The following PYY variants were observed in gnomAD, a reference collection of about 807,000 sequenced individuals.
The protein encoded by PYY is peptide YY.
In PYY, 12 loss-of-function variants were observed where a neutral mutation model predicts 10.3. The ratio of observed to expected loss-of-function variants is 1.17; its 90% CI spans 0.75 to 1.89. PYY has a LOEUF of 1.89. Among genes scored for constraint, PYY ranks in the 40% most tolerant of loss-of-function variants. The pLI is 0.00. For synonymous variants in PYY, 66 were observed against 62.0 expected (o/e 1.06, Z -0.30); for missense variants, 141 against 134.0 (o/e 1.05, Z -0.26).
chr17:43,954,053 C>CGCCAGAT (rs547363101), upstream of PYY: 34 of 153,492 alleles, frequency 2.2e-4, 1 homozygote, highest in South Asian at 7.0e-3. Context: ...CTTCCACCCT[C>CGCCAGAT]GCCAGATCGC....
At chr17:43,983,435 A>G (rs1403840726) in intron 1 of PYY, among the ~76,000 whole-genome samples, 1 of 152,184 alleles carries the variant, frequency 6.6e-6, no homozygotes, top group East Asian at 1.9e-4. Flanking sequence ...CAGTGCCCCA[A>G]AGACCCAGTC....
In PYY at chr17:43,953,114, C is replaced by A; in HGVS notation, c.264G>T (p.Arg88Ser). Residue 88 changes from arginine to serine, a missense_variant, in exon 3 of 4, where the codon AGG becomes AGT. Transcript: ENST00000692052. ...GTGGTAACGGGCGCTTTTACCGCGACCTGACGGGGCGGTCCTCGCCGTCGG... is the reference window on the plus strand; with the variant it reads ...GTGGTAACGGGCGCTTTTACCGCGAACTGACGGGGCGGTCCTCGCCGTCGG... ...FFPDGEDRPV[R>S]SRSEGPDLW 6.2e-7 allele frequency: 1 copy of A among 1,614,010 alleles called. No individual in the cohort carries two copies. Among genetic ancestry groups the A allele is most frequent in the Non-Finnish European group, 8.5e-7 (1 of 1,179,946 alleles).
At chr17:43,980,738 C>T (rs1842881808) in intron 1 of PYY, among the ~76,000 whole-genome samples, 1 of 152,142 alleles carries the variant, frequency 6.6e-6, no homozygotes, top group Non-Finnish European at 1.5e-5. Context: ...TCCCAAAGTG[C>T]TGGGATTACA....
intron 1 of PYY, among the ~76,000 whole-genome samples, chr17:43,990,983 G>A (rs2048953325): frequency 6.6e-6 from 1 of 151,360 alleles, no homozygotes; most frequent in Non-Finnish European, 1.5e-5. Flanking sequence ...TTTTAGTAGA[G>A]ACAGGGTTTC....
chr17:43,962,817 C>T (rs375558922), intron 2 of PYY, among the ~76,000 whole-genome samples: 210 of 152,220 alleles, frequency 1.4e-3, no homozygotes, highest in African/African-American at 4.7e-3. Context: ...CAGTAGCAGG[C>T]GAGGGCAAGG....
Position 43,987,083 on chromosome 17 carries a change from C to T in PYY, c.-463+17308G>A, listed in dbSNP as rs781103182. ...TGAAGCCAGATGCTAACACATTCCT[C>T]GGGCCCCTGTGTCCACCCCTCCTCT... On this transcript the variant is annotated intron_variant, in intron 1 of 6. Transcript: ENST00000360085. This position sits in a 1 kb window ranked among gnomAD's most constrained non-coding sequence, Gnocchi z 4.0. 2.0e-5 allele frequency among the ~76,000 whole-genome samples: 3 copies of T among 152,106 alleles called. No homozygotes were observed. The highest frequency in any genetic ancestry group is 6.5e-5 in the Admixed American group (1 of 15,268).
chr17:43,976,070 C>T (rs1226224594), intron 1 of PYY, among the ~76,000 whole-genome samples: 6 of 146,390 alleles, frequency 4.1e-5, no homozygotes, highest in Non-Finnish European at 7.5e-5. Context: ...CATGTATACG[C>T]GTATGTACAT....
At chr17:43,976,205 A>ATATCTACG (rs2048838259) in intron 1 of PYY, among the ~76,000 whole-genome samples, 1 of 143,320 alleles carries the variant, frequency 7.0e-6, no homozygotes, top group African/African-American at 2.7e-5. Context: ...ACATATATAC[A>ATATCTACG]TATACGTATA....
At chr17:43,965,264 T>C (rs1712843312) in intron 2 of PYY, among the ~76,000 whole-genome samples, 1 of 151,838 alleles carries the variant, frequency 6.6e-6, no homozygotes, top group Non-Finnish European at 1.5e-5. Context: ...GTGGATCACT[T>C]GAGGTCAGGA....
intron 1 of PYY, among the ~76,000 whole-genome samples, chr17:43,994,003 G>A (rs748755350): frequency 6.6e-6 from 1 of 151,888 alleles, no homozygotes; most frequent in African/African-American, 2.4e-5. Flanking sequence ...ACAGGCATGC[G>A]TTACCAGGCC....
chr17:43,990,394 G>A (rs938398646), intron 1 of PYY, among the ~76,000 whole-genome samples: 1 of 144,852 alleles, frequency 6.9e-6, no homozygotes, highest in Non-Finnish European at 1.5e-5. Context: ...AGCCGAGATC[G>A]CACCATTGCA....
chr17:43,989,912 A>C (rs1167155195), intron 1 of PYY, among the ~76,000 whole-genome samples: 1 of 138,314 alleles, frequency 7.2e-6, no homozygotes, highest in Non-Finnish European at 1.5e-5. Flanking sequence ...ACACAAATCT[A>C]TAAGTAAGAC....
chr17:43,969,303 G>A (rs1474979600), intron 1 of PYY, among the ~76,000 whole-genome samples: 1 of 151,892 alleles, frequency 6.6e-6, no homozygotes, highest in Admixed American at 6.6e-5. Context: ...ATCACTTGAG[G>A]TCAGGAGTTC....
At chr17:43,977,935 C>T (rs994020210) in intron 1 of PYY, among the ~76,000 whole-genome samples, 2 of 152,268 alleles carry the variant, frequency 1.3e-5, no homozygotes, top group African/African-American at 4.8e-5. Flanking sequence ...CACGGTGGCT[C>T]ACACCTGTAA....
chr17:43,979,376 G>T (rs760598341), intron 1 of PYY, among the ~76,000 whole-genome samples: 6 of 152,142 alleles, frequency 3.9e-5, no homozygotes, highest in Non-Finnish European at 8.8e-5. Context: ...TTCACTCACA[G>T]CTGAGCCTAA....
At chr17:43,972,263 G>C (rs988880804) in intron 1 of PYY, among the ~76,000 whole-genome samples, 1 of 151,022 alleles carries the variant, frequency 6.6e-6, no homozygotes, top group African/African-American at 2.4e-5. Context: ...ACCCAGGCTG[G>C]AGTGCAGTGG....
intron 1 of PYY, among the ~76,000 whole-genome samples, chr17:43,979,839 C>G (rs2048871243): frequency 6.6e-6 from 1 of 152,144 alleles, no homozygotes; most frequent in Non-Finnish European, 1.5e-5. Flanking sequence ...AGAGTTTAAT[C>G]AGTGACACAC....
chr17:43,953,456 C>G lies in PYY; in HGVS notation c.28G>C (p.Ala10Pro). Residue 10 changes from alanine to proline, a missense_variant, in exon 2 of 4, where the codon GCC (alanine) becomes CCC (proline). By Grantham distance (27) the Ala-to-Pro change is conservative. Transcript: ENST00000692052. MVFVRRPWP[A>P]LTTVLLALLV... is the part of the protein sequence containing the mutation. ...AGGGCCAGAAGCACTGTGGTCAAGG[C>G]GGGCCACGGCCTGCGCACGAACACC... The G allele has an allele frequency of 6.2e-7, 1 of 1,607,396 alleles. No individual in the cohort carries two copies. The highest frequency in any genetic ancestry group is 8.5e-7 in the Non-Finnish European group (1 of 1,176,506).
intron 2 of PYY, among the ~76,000 whole-genome samples, chr17:43,964,718 G>T (rs1030698382): frequency 1.3e-5 from 2 of 152,242 alleles, no homozygotes; most frequent in South Asian, 2.1e-4. Flanking sequence ...CAGGAGAATC[G>T]CTTGAACCCG....
Sources: gnomAD v4.1 joint callset for allele counts (sites outside exome capture counted in the v4.1 genomes callset) on GRCh38, gnomAD v4.1.1 for gene constraint, Gnocchi (gnomAD v3.1) non-coding constraint, MANE v1.5 for transcripts, NCBI Gene and HGNC (gene_info 2026-07-23, HGNC 2026-07-21) for gene names.